LRRIQ3: variants seen among roughly 807,000 people sequenced by gnomAD.
LRRIQ3 encodes the protein leucine-rich repeat and IQ domain-containing protein 3.
In LRRIQ3, 75 loss-of-function variants were observed where a neutral mutation model predicts 59.3. That is an observed-to-expected ratio of 1.26 (90% CI 1.05 to 1.53). The LOEUF is 1.53. Ranked by LOEUF, LRRIQ3 falls within the 40% of genes most tolerant of loss-of-function variation. The pLI, the probability that LRRIQ3 is intolerant of heterozygous loss-of-function variation, is 0.00. For synonymous variants in LRRIQ3, 250 were observed against 231.3 expected (o/e 1.08, Z -0.73); for missense variants, 831 against 710.0 (o/e 1.17, Z -1.94).
intron 4 of LRRIQ3, among the ~76,000 whole-genome samples, chr1:74,139,258 T>C (rs1421354974): frequency 7.5e-6 from 1 of 133,906 alleles, no homozygotes; most frequent in African/African-American, 2.9e-5. Context: ...AACTTTTCAG[T>C]GGAAAGAAGG....
chr1:74,046,907 C>G (rs1220739715), intron 6 of LRRIQ3, among the ~76,000 whole-genome samples: 1 of 152,148 alleles, frequency 6.6e-6, no homozygotes, highest in Non-Finnish European at 1.5e-5. Context: ...GAGATACCAT[C>G]TCACACCAGT....
At chr1:74,166,444 G>T (rs1300544976) in intron 3 of LRRIQ3, among the ~76,000 whole-genome samples, 1 of 151,554 alleles carries the variant, frequency 6.6e-6, no homozygotes, top group Admixed American at 6.6e-5. Flanking sequence ...CTTTTCCTTT[G>T]TCAGTCTTGA....
In LRRIQ3 at chr1:74,030,149, T is replaced by G. The variant is rs1653655059; in HGVS notation, c.1719-3180A>C. Among the ~76,000 whole-genome samples the G allele has an allele frequency of 2.0e-5, 3 of 152,252 alleles. No individual in the cohort carries two copies. The South Asian group carries it at 6.2e-4, about 32-fold the overall frequency. ...CACAAACAAATGGTAGACTATTCCATGCTCATGGATAGGAGAATCAATATC... is the reference window on the plus strand; with the variant it reads ...CACAAACAAATGGTAGACTATTCCAGGCTCATGGATAGGAGAATCAATATC... On this transcript the variant is annotated intron_variant, in intron 7 of 7. Transcript: ENST00000354431.
intron 5 of LRRIQ3, among the ~76,000 whole-genome samples, chr1:74,093,660 A>C (rs1460724189): frequency 6.6e-6 from 1 of 152,108 alleles, no homozygotes. Context: ...ATGTAAGAAG[A>C]CCAGGGCTGG....
At chr1:74,124,852 G>T (rs1452633933) in intron 4 of LRRIQ3, among the ~76,000 whole-genome samples, 3 of 151,780 alleles carry the variant, frequency 2.0e-5, no homozygotes, top group African/African-American at 4.8e-5. Flanking sequence ...GGTCATTTGT[G>T]GTTCCATAAA....
intron 6 of LRRIQ3, among the ~76,000 whole-genome samples, chr1:74,050,104 A>C (rs765118237): frequency 1.3e-5 from 2 of 151,842 alleles, no homozygotes; most frequent in Non-Finnish European, 2.9e-5. Flanking sequence ...TTGTATTTTT[A>C]GTAGAGATGG....
intron 3 of LRRIQ3, among the ~76,000 whole-genome samples, chr1:74,157,955 C>T (rs1461821733): frequency 1.3e-5 from 2 of 151,992 alleles, no homozygotes; most frequent in Non-Finnish European, 2.9e-5. Context: ...TTTTCTTTCC[C>T]AACCTGCTTT....
chr1:74,062,608 A>G (rs1654751208), intron 6 of LRRIQ3, among the ~76,000 whole-genome samples: 1 of 152,142 alleles, frequency 6.6e-6, no homozygotes, highest in Admixed American at 6.6e-5. Context: ...ACAGTAGACT[A>G]GATAAAGAAA....
At chr1:74,052,729 C>A (rs531363292) in intron 6 of LRRIQ3, among the ~76,000 whole-genome samples, 2 of 152,072 alleles carry the variant, frequency 1.3e-5, no homozygotes, top group South Asian at 4.2e-4. Context: ...ATAACAATTA[C>A]AAATCCCTCT....
At chr1:74,095,787 T>C (rs1162541500) in intron 5 of LRRIQ3, among the ~76,000 whole-genome samples, 4 of 152,032 alleles carry the variant, frequency 2.6e-5, no homozygotes, top group Non-Finnish European at 5.9e-5. Flanking sequence ...TCCAAAACAT[T>C]CCTAATCTAA....
In LRRIQ3 at chr1:74,133,863, TA is replaced by T. The variant is rs199511185; in HGVS notation, c.707+21869del. Among the ~76,000 whole-genome samples, 1,020 of 151,342 alleles carry T rather than the reference TA, an allele frequency of 6.7e-3. 15 individuals carry two copies. The highest frequency in any genetic ancestry group is 0.024 in the African/African-American group (980 of 41,318). On this transcript the variant is annotated intron_variant, in intron 4 of 7. Coordinates refer to ENST00000354431, the MANE Select transcript of LRRIQ3 (RefSeq NM_001105659.2). ...TACCCTAGAACTTAAAGTATAATAA[TA>T]AAAAAAAGACAAAGCACATAATCCT...
At chr1:74,084,358 T>A (rs909011668) in intron 5 of LRRIQ3, 1 of 723,190 alleles carries the variant, frequency 1.4e-6, no homozygotes, top group South Asian at 2.4e-5. Flanking sequence ...TAGGTGCTCA[T>A]GAATTCTAAT....
chr1:74,135,850 A>T (rs1037902943), intron 4 of LRRIQ3, among the ~76,000 whole-genome samples: 1 of 151,798 alleles, frequency 6.6e-6, no homozygotes, highest in African/African-American at 2.4e-5. Flanking sequence ...GGAAGGAGGG[A>T]GGGTAAAGGA....
chr1:74,183,533 G>C lies in LRRIQ3; in HGVS notation c.152C>G (p.Ser51Cys), dbSNP rs778086203. 1 of 1,611,942 alleles carries C rather than the reference G, an allele frequency of 6.2e-7. No individual in the cohort carries two copies. The highest frequency in any genetic ancestry group is 2.2e-5 in the East Asian group (1 of 44,676). Residue 51 changes from serine (S) to cysteine (C), a missense_variant, in exon 2 of 8, where the codon TCT becomes TGT. Ser to Cys is a moderately radical substitution (Grantham distance 112). Coordinates refer to ENST00000354431, the MANE Select transcript of LRRIQ3 (RefSeq NM_001105659.2). Reference sequence around the variant, plus strand: ...GTTTGAGAAGATGCATACTCTAAGAGAGATGCAAGACTGCAAATTTTCCAT... The same window carrying C: ...GTTTGAGAAGATGCATACTCTAAGACAGATGCAAGACTGCAAATTTTCCAT... ...KSMENLQSCI[S>C]LRVCIFSNNF... is the part of the protein sequence containing the mutation.
At chr1:74,144,198 C>T (rs528586970) in intron 4 of LRRIQ3, among the ~76,000 whole-genome samples, 1 of 151,894 alleles carries the variant, frequency 6.6e-6, no homozygotes, top group African/African-American at 2.4e-5. Context: ...CTAGTCCTGA[C>T]CTTTGGTCTA....
At chr1:74,110,200 G>A (rs886547398) in intron 4 of LRRIQ3, among the ~76,000 whole-genome samples, 1 of 151,716 alleles carries the variant, frequency 6.6e-6, no homozygotes, top group Admixed American at 6.6e-5. Flanking sequence ...TTCCCTCTAA[G>A]ATTAAAAACA....
chr1:74,133,695 G>A (rs2086786), intron 4 of LRRIQ3, among the ~76,000 whole-genome samples: 124,107 of 145,712 alleles, frequency 0.85, 53,658 homozygotes, highest in East Asian at 0.97. Flanking sequence ...GGAACATCAC[G>A]TACTGGGGCC....
intron 3 of LRRIQ3, among the ~76,000 whole-genome samples, chr1:74,160,668 G>C (rs1256670966): frequency 6.6e-6 from 1 of 151,878 alleles, no homozygotes; most frequent in Non-Finnish European, 1.5e-5. Context: ...TTCTCATATT[G>C]AATTTTTTAT....
chr1:74,124,070 G>A (rs571680186), intron 4 of LRRIQ3, among the ~76,000 whole-genome samples: 59 of 152,014 alleles, frequency 3.9e-4, no homozygotes, highest in African/African-American at 1.4e-3. Context: ...AATAGGGTGA[G>A]ATGGTATCTC....
Sources: gnomAD v4.1 joint callset for allele counts (sites outside exome capture counted in the v4.1 genomes callset) on GRCh38, gnomAD v4.1.1 for gene constraint, MANE v1.5 for transcripts, NCBI Gene and HGNC (gene_info 2026-07-23, HGNC 2026-07-21) for gene names.